PRCP: variants seen among roughly 807,000 people sequenced by gnomAD.
The protein encoded by PRCP is lysosomal Pro-X carboxypeptidase.
In PRCP, 46 loss-of-function variants were observed where a neutral mutation model predicts 54.2. That is an observed-to-expected ratio of 0.85 (90% CI 0.67 to 1.09). PRCP has a LOEUF of 1.09. Ranked by LOEUF, PRCP falls within the 50% of genes least tolerant of loss-of-function variation. PRCP has a pLI of 0.00. For synonymous variants in PRCP, 240 were observed against 212.2 expected (o/e 1.13, Z -1.14); for missense variants, 613 against 596.8 (o/e 1.03, Z -0.28).
At position 82,900,360 on chromosome 11, in the gene PRCP, C is replaced by T; in HGVS notation, c.43G>A (p.Ala15Thr). The T allele has an allele frequency of 6.2e-7, 1 of 1,614,028 alleles. No individual in the cohort carries two copies. Among genetic ancestry groups the T allele is most frequent in the Non-Finnish European group, 8.5e-7 (1 of 1,179,934 alleles). ...ALLLLLLSFLAPWATIALRPA... is the reference protein window; with the variant it reads ...ALLLLLLSFLTPWATIALRPA... ...CGGAGGGCTATGGTGGCCCAGGGCG[C>T]CAGAAAAGACAGAAGCAGGAGCAGG... Residue 15 changes from alanine to threonine, a missense_variant, in exon 1 of 9, where the codon GCG becomes ACG. Physicochemically the swap from Ala to Thr is moderately conservative, Grantham distance 58 (BLOSUM62 0). Coordinates refer to ENST00000313010, the MANE Select transcript of PRCP (RefSeq NM_005040.4).
At chr11:82,859,424 C>T (rs1377876307) in intron 2 of PRCP, among the ~76,000 whole-genome samples, 2 of 152,104 alleles carry the variant, frequency 1.3e-5, no homozygotes, top group Non-Finnish European at 2.9e-5. Flanking sequence ...ATTCATTTAA[C>T]AGACATATAT....
intron 1 of PRCP, among the ~76,000 whole-genome samples, chr11:82,861,115 AG>A (rs1859198241): frequency 1.3e-5 from 2 of 152,228 alleles, no homozygotes; most frequent in South Asian, 4.1e-4. Context: ...AGAAAGGAAA[AG>A]GTTCATTTGC....
At position 82,824,013 on chromosome 11, in the gene PRCP, T is replaced by C. The variant is rs1254751398; in HGVS notation, c.*893A>G. 1.3e-5 allele frequency: 2 copies of C among 152,246 alleles called. No homozygotes were observed. The highest frequency in any genetic ancestry group is 2.9e-5 in the Non-Finnish European group (2 of 68,050). The allele number at this position is 152,246 out of a possible 1,614,324, so 9.4% of individuals were successfully genotyped here. ...TAAAAATTTAAAAGCTGAATATTACTATATTCTACTTTTGGAATAGCTGAT... is the reference window on the plus strand; with the variant it reads ...TAAAAATTTAAAAGCTGAATATTACCATATTCTACTTTTGGAATAGCTGAT... On this transcript the variant is annotated 3_prime_UTR_variant, in exon 9 of 9. Coordinates refer to ENST00000313010, the MANE Select transcript of PRCP (RefSeq NM_005040.4).
upstream of PRCP, chr11:82,900,576 C>T: frequency 1.2e-6 from 1 of 831,084 alleles, no homozygotes; most frequent in Non-Finnish European, 2.0e-6. Context: ...GTCACCACAG[C>T]CACTCCGCCC....
intron 6 of PRCP, among the ~76,000 whole-genome samples, chr11:82,845,215 T>C (rs1375148794): frequency 6.6e-6 from 1 of 152,150 alleles, no homozygotes; most frequent in African/African-American, 2.4e-5. Flanking sequence ...ACTAATCAGA[T>C]CTGCAACCAA....
intron 6 of PRCP, among the ~76,000 whole-genome samples, chr11:82,848,132 T>C (rs575619895): frequency 5.3e-5 from 8 of 152,316 alleles, no homozygotes; most frequent in Admixed American, 2.0e-4. Flanking sequence ...AAAAGTGCAT[T>C]TGAAACCCGG....
At chr11:82,836,255 T>A (rs539738807) in intron 8 of PRCP, 1 of 151,198 alleles carries the variant, frequency 6.6e-6, no homozygotes, top group East Asian at 1.9e-4. Context: ...AAAAAGACGA[T>A]GCTGTCTCAT....
Position 82,838,421 on chromosome 11 carries a change from T to C in PRCP, c.1240A>G (p.Lys414Glu), listed in dbSNP as rs1449955896. ...ATGTTTGTGTGTGAACTAATGTTTTTGCCTCCATACATAGTAGTGATCCAG... is the reference window on the plus strand; with the variant it reads ...ATGTTTGTGTGTGAACTAATGTTTTCGCCTCCATACATAGTAGTGATCCAG... The part of the protein sequence containing the change: ...PSWITTMYGG[K>E]NISSHTNIVF... Residue 414 changes from lysine (K) to glutamate (E), a missense_variant, in exon 8 of 9, where the codon AAA (lysine) becomes GAA (glutamate). Lys to Glu is a moderately conservative substitution (Grantham distance 56). Transcript: ENST00000313010. 9 of 1,612,096 alleles carry C rather than the reference T, an allele frequency of 5.6e-6. No individual in the cohort carries two copies. In the African/African-American group the frequency reaches 1.1e-4, roughly 19 times the overall value.
intron 8 of PRCP, among the ~76,000 whole-genome samples, chr11:82,835,150 G>A (rs1032840846): frequency 6.6e-6 from 1 of 152,122 alleles, no homozygotes; most frequent in African/African-American, 2.4e-5. Context: ...CATGGTGCAC[G>A]TTTACCTATG....
chr11:82,840,869 C>A (rs900268457), intron 6 of PRCP: 49 of 151,992 alleles, frequency 3.2e-4, no homozygotes, highest in African/African-American at 1.2e-3. Flanking sequence ...TTGTTCCCAG[C>A]TGTCTCTGGT....
chr11:82,847,212 A>G (rs577390902), intron 6 of PRCP, among the ~76,000 whole-genome samples: 7 of 152,330 alleles, frequency 4.6e-5, no homozygotes, highest in Admixed American at 1.3e-4. Flanking sequence ...TAAAGATACA[A>G]ATGTAATTCT....
In PRCP at chr11:82,825,139, G is replaced by C. The variant is rs1159285434; in HGVS notation, c.1275-17C>G. ...TCACCATTGCTGCAAGTGAAAAAAA[G>C]AAGAAAAAATAAAGTTGTTAGTTTT... On this transcript the variant is annotated splice_polypyrimidine_tract_variant and intron_variant, in intron 8 of 8. Transcript: ENST00000313010. 3.8e-6 allele frequency: 6 copies of C among 1,596,802 alleles called. No homozygotes were observed. Among genetic ancestry groups the C allele is most frequent in the African/African-American group, 1.3e-5 (1 of 74,398 alleles).
intron 2 of PRCP, among the ~76,000 whole-genome samples, chr11:82,855,067 G>T (rs1423621364): frequency 6.6e-6 from 1 of 151,562 alleles, no homozygotes; most frequent in Non-Finnish European, 1.5e-5. Flanking sequence ...ACTATAAAAA[G>T]CCCAAAAACC....
rs141834526 is a variant in PRCP at position 82,867,642 on chromosome 11, C to T, written c.169-7525G>A. Reference sequence around the variant, plus strand: ...GATAAAGTGCTGCTGTAATCAAGCACTGCATATAAATTTTAGGAAATGACA... The same window carrying T: ...GATAAAGTGCTGCTGTAATCAAGCATTGCATATAAATTTTAGGAAATGACA... On this transcript the variant is annotated intron_variant, in intron 1 of 8. Coordinates refer to ENST00000313010, the MANE Select transcript of PRCP (RefSeq NM_005040.4). 2.0e-5 allele frequency among the ~76,000 whole-genome samples: 3 copies of T among 152,294 alleles called. No homozygotes were observed. The East Asian group carries it at 5.8e-4, about 29-fold the overall frequency.
chr11:82,900,643 G>A (rs1315082210), upstream of PRCP: 1 of 669,264 alleles, frequency 1.5e-6, no homozygotes, highest in African/African-American at 1.8e-5. Flanking sequence ...CTGCTCCTTA[G>A]CACTCACCTT....
At chr11:82,882,175 GC>G (rs1859761267) in intron 1 of PRCP, among the ~76,000 whole-genome samples, 1 of 152,084 alleles carries the variant, frequency 6.6e-6, no homozygotes, top group Admixed American at 6.5e-5. Context: ...GGTGGCAGAG[GC>G]AGAAGAAGTG....
chr11:82,900,919 C>A, upstream of PRCP: 1 of 453,250 alleles, frequency 2.2e-6, no homozygotes. Flanking sequence ...CAGTGTATCA[C>A]GAGGCAGGGA....
At chr11:82,870,994 A>G (rs1317433643) in intron 1 of PRCP, among the ~76,000 whole-genome samples, 5 of 152,134 alleles carry the variant, frequency 3.3e-5, no homozygotes, top group African/African-American at 1.2e-4. Context: ...TATTTTAAGG[A>G]GTAAATAATC....
intron 8 of PRCP, chr11:82,837,337 T>A (rs1478032236): frequency 1.3e-5 from 2 of 152,616 alleles, no homozygotes; most frequent in Non-Finnish European, 2.9e-5. Flanking sequence ...AGCTGCCAAG[T>A]TCTTTGGTGA....
Sources: allele counts gnomAD v4.1 joint callset (sites outside exome capture counted in the v4.1 genomes callset), GRCh38; gene constraint gnomAD v4.1.1; transcripts MANE v1.5; gene names NCBI Gene and HGNC (gene_info 2026-07-23, HGNC 2026-07-21).